Variants in SLC67A2 observed in about 807,000 individuals in gnomAD.
SLC67A2 encodes solute carrier family 67 member 2.
the SLC67A2 span, among the ~76,000 whole-genome samples, chr2:102,730,565 CA>C: frequency 6.9e-6 from 1 of 144,580 alleles, no homozygotes; most frequent in Non-Finnish European, 1.5e-5. Flanking sequence ...TTTTTTGAGA[CA>C]GAGTCTCGCT....
chr2:102,727,022 T>C, the SLC67A2 span: 430 of 1,590,824 alleles, frequency 2.7e-4, 2 homozygotes, highest in African/African-American at 5.2e-3. Flanking sequence ...CAGTAACGAC[T>C]ACCACCATGC....
At chr2:102,722,253 G>A in the SLC67A2 span, among the ~76,000 whole-genome samples, 2 of 152,260 alleles carry the variant, frequency 1.3e-5, no homozygotes, top group African/African-American at 4.8e-5. Flanking sequence ...GATGTGGGAT[G>A]AATGTGGCAG....
the SLC67A2 span, chr2:102,719,217 T>C: frequency 6.2e-7 from 1 of 1,606,638 alleles, no homozygotes. Flanking sequence ...CCTGTTAAAA[T>C]GGCATGAGAC....
At chr2:102,726,753 C>T in the SLC67A2 span, 2 of 1,497,910 alleles carry the variant, frequency 1.3e-6, no homozygotes, top group Non-Finnish European at 8.9e-7. Flanking sequence ...AGCAAGACCA[C>T]AGAGGTGGCC....
At chr2:102,735,522 C>T in the SLC67A2 span, among the ~76,000 whole-genome samples, 49 of 152,250 alleles carry the variant, frequency 3.2e-4, no homozygotes, top group Middle Eastern at 6.8e-3. Flanking sequence ...CAAAGGCAGC[C>T]TTCTCCCATT....
At chr2:102,719,074 G>C in the SLC67A2 span, 3 of 1,614,100 alleles carry the variant, frequency 1.9e-6, no homozygotes, top group Non-Finnish European at 2.5e-6. Flanking sequence ...TGCTGGCCCT[G>C]GCTCTGCGGC....
the SLC67A2 span, among the ~76,000 whole-genome samples, chr2:102,723,011 G>A: frequency 6.6e-6 from 1 of 152,144 alleles, no homozygotes; most frequent in Non-Finnish European, 1.5e-5. Flanking sequence ...AATCTGAATA[G>A]ACATTTCTCC....
the SLC67A2 span, among the ~76,000 whole-genome samples, chr2:102,735,866 A>ACACG: frequency 2.0e-5 from 3 of 151,962 alleles, no homozygotes; most frequent in African/African-American, 7.3e-5. Context: ...ACACACACAC[A>ACACG]CACGATGAAA....
At chr2:102,717,085 A>T in the SLC67A2 span, 32,686 of 151,814 alleles carry the variant, frequency 0.22, 4,089 homozygotes, top group Middle Eastern at 0.29. Flanking sequence ...CAGGCTGGAG[A>T]GCAGTGGCAC....
At chr2:102,718,348 C>T in the SLC67A2 span, 7 of 1,554,448 alleles carry the variant, frequency 4.5e-6, no homozygotes, top group Admixed American at 5.4e-5. Flanking sequence ...TTCCAAAGTG[C>T]CCTTTTCATC....
the SLC67A2 span, among the ~76,000 whole-genome samples, chr2:102,734,995 C>A: frequency 6.6e-6 from 1 of 152,200 alleles, no homozygotes; most frequent in Non-Finnish European, 1.5e-5. Context: ...TCTGGCTGAA[C>A]CAGCCCAAGT....
At chr2:102,722,343 C>T in the SLC67A2 span, among the ~76,000 whole-genome samples, 4 of 152,104 alleles carry the variant, frequency 2.6e-5, no homozygotes, top group African/African-American at 9.7e-5. Flanking sequence ...GCCAGCATGG[C>T]CAGAATGTAT....
the SLC67A2 span, among the ~76,000 whole-genome samples, chr2:102,725,959 A>G: frequency 1.3e-5 from 2 of 152,338 alleles, no homozygotes; most frequent in African/African-American, 4.8e-5. Flanking sequence ...ACAGTAAGAG[A>G]GACACTGAAA....
the SLC67A2 span, chr2:102,719,358 A>C: frequency 1.2e-6 from 1 of 812,282 alleles, no homozygotes; most frequent in Admixed American, 2.9e-5. Flanking sequence ...CTAGTCTTTC[A>C]CCATTCCTAT....
At chr2:102,731,965 T>G in the SLC67A2 span, 2 of 360,604 alleles carry the variant, frequency 5.5e-6, no homozygotes, top group African/African-American at 4.3e-5. Context: ...AGATTATGTT[T>G]CCCTGGTCTC....
At chr2:102,718,313 A>G in the SLC67A2 span, 1 of 1,376,844 alleles carries the variant, frequency 7.3e-7, no homozygotes. Flanking sequence ...CCCACCCGGA[A>G]ATATTTCCCT....
chr2:102,734,664 T>TA, the SLC67A2 span, among the ~76,000 whole-genome samples: 1 of 152,136 alleles, frequency 6.6e-6, no homozygotes, highest in Admixed American at 6.5e-5. Flanking sequence ...TATTTTCCAT[T>TA]AAAAAAATCC....
the SLC67A2 span, chr2:102,718,426 A>G: frequency 6.2e-7 from 1 of 1,613,600 alleles, no homozygotes; most frequent in East Asian, 2.2e-5. Flanking sequence ...CCATCTACTC[A>G]CTTTTTAATT....
chr2:102,732,191 G>C, the SLC67A2 span: 2 of 828,528 alleles, frequency 2.4e-6, no homozygotes, highest in Admixed American at 3.8e-5. Flanking sequence ...AAATATTCTG[G>C]AAATTTGTTT....
Sources: gnomAD v4.1 joint callset for allele counts (sites outside exome capture counted in the v4.1 genomes callset) on GRCh38, gnomAD v4.1.1 for gene constraint, MANE v1.5 for transcripts, NCBI Gene and HGNC (gene_info 2026-07-23, HGNC 2026-07-21) for gene names.